Variants in DENND5A observed in about 807,000 individuals in gnomAD.
The protein encoded by DENND5A is DENN domain-containing protein 5A.
A neutral mutation model predicts 140.3 loss-of-function variants in DENND5A; 64 were observed. The observed-to-expected ratio is 0.46, with a 90% CI of 0.37 to 0.56. The LOEUF (loss-of-function observed/expected upper bound fraction) is 0.56, where lower values mean the gene tolerates loss of function less well. Ranked by LOEUF, DENND5A falls within the 20% of genes least tolerant of loss-of-function variation. DENND5A has a pLI of 0.00. For synonymous variants in DENND5A, 605 were observed against 607.7 expected (o/e 1.00, Z 0.07); for missense variants, 1,292 against 1,593.8 (o/e 0.81, Z 3.22).
At chr11:9,184,745 A>T (rs1032775104) in intron 5 of DENND5A, among the ~76,000 whole-genome samples, 1 of 152,230 alleles carries the variant, frequency 6.6e-6, no homozygotes, top group Non-Finnish European at 1.5e-5. Context: ...ATGCCTGTTC[A>T]TATCTTATGC....
chr11:9,179,869 T>G (rs958251222), intron 6 of DENND5A, among the ~76,000 whole-genome samples: 7 of 152,098 alleles, frequency 4.6e-5, no homozygotes, highest in Admixed American at 4.6e-4. Flanking sequence ...GAAAAATATC[T>G]AGTCTACTAA....
chr11:9,143,219 T>C (rs1055194405), intron 20 of DENND5A, 184 bp downstream of exon 20: 16 of 667,156 alleles, frequency 2.4e-5, no homozygotes, highest in African/African-American at 5.4e-5. Context: ...CAGGGTAACC[T>C]GAGGCAAAGG....
chr11:9,139,920 G>C, intron 22 of DENND5A, 66 bp from the exon 23 acceptor site: 1 of 1,490,216 alleles, frequency 6.7e-7, no homozygotes, highest in Non-Finnish European at 9.2e-7. Context: ...GAGCGTTAGT[G>C]CAAGGCCAAG....
intron 1 of DENND5A, among the ~76,000 whole-genome samples, chr11:9,215,042 A>G (rs1850034888): frequency 6.6e-6 from 1 of 152,104 alleles, no homozygotes; most frequent in African/African-American, 2.4e-5. Flanking sequence ...GCCACTTCTA[A>G]GTCCTCTTCC....
chr11:9,239,914 C>A (rs1851162432), intron 1 of DENND5A, among the ~76,000 whole-genome samples: 1 of 152,072 alleles, frequency 6.6e-6, no homozygotes, highest in Non-Finnish European at 1.5e-5. Context: ...ATGTATAGTC[C>A]CTCGGGTATT....
chr11:9,183,929 T>C (rs756874141), intron 5 of DENND5A, among the ~76,000 whole-genome samples: 45 of 152,026 alleles, frequency 3.0e-4, no homozygotes, highest in Non-Finnish European at 1.3e-4. Flanking sequence ...CTCACCCCTG[T>C]AATCCCAGCT....
At chr11:9,140,782 T>C (rs1847210899) in intron 22 of DENND5A, among the ~76,000 whole-genome samples, 1 of 152,222 alleles carries the variant, frequency 6.6e-6, no homozygotes. Flanking sequence ...ACTTCATTTT[T>C]GGACCCTCAA....
rs371135128 is a variant in DENND5A, at chr11:9,150,238, A to G, written c.2607-29T>C. 6.2e-6 allele frequency: 10 copies of G among 1,609,802 alleles called. No homozygotes were observed. The East Asian group carries it at 8.9e-5, about 14-fold the overall frequency. The stretch of plus-strand genomic sequence containing the variant: ...GAGGAAGAATGTAAAAAGGAAGTGG[A>G]GGGTGGGATGGGAGATGAACTCACT... On this transcript the variant is annotated intron_variant, in intron 14 of 22. Coordinates refer to ENST00000328194, the MANE Select transcript of DENND5A (RefSeq NM_015213.4).
intron 5 of DENND5A, among the ~76,000 whole-genome samples, chr11:9,181,575 A>C (rs1205935508): frequency 1.3e-5 from 2 of 151,954 alleles, no homozygotes; most frequent in African/African-American, 2.4e-5. Flanking sequence ...AGTCTCTACA[A>C]AAAAATGCAA....
rs1490265405 is a variant in DENND5A at position 9,139,862 on chromosome 11, A to G, written c.3681-8T>C. ...TGGTGTAGGAGGTGATCTCTGGCAGAGCGGGAGCAGTCCAGGCAGGTCAGA... is the reference window on the plus strand; with the variant it reads ...TGGTGTAGGAGGTGATCTCTGGCAGGGCGGGAGCAGTCCAGGCAGGTCAGA... On this transcript the variant is annotated splice_region_variant and splice_polypyrimidine_tract_variant and intron_variant, in intron 22 of 22. Transcript: ENST00000328194. The G allele has an allele frequency of 2.5e-6, 4 of 1,613,374 alleles. No individual in the cohort carries two copies. The highest frequency in any genetic ancestry group is 1.7e-6 in the Non-Finnish European group (2 of 1,179,606).
chr11:9,257,968 T>A (rs1852023953), intron 1 of DENND5A, among the ~76,000 whole-genome samples: 1 of 151,690 alleles, frequency 6.6e-6, no homozygotes, highest in African/African-American at 2.4e-5. Flanking sequence ...AATTTTTGTA[T>A]CTTTAGTAGA....
rs538080970 is a variant in DENND5A at position 9,159,328 on chromosome 11, T to TG, written c.2436+1384_2436+1385insC. On this transcript the variant is annotated intron_variant, in intron 12 of 22. Coordinates refer to ENST00000328194, the MANE Select transcript of DENND5A (RefSeq NM_015213.4). ...TGCTATGAACTTTTTTTTCTTTTTTTTTTTTTTTTGAGACAGAGTTTCACT... is the reference window on the plus strand; with the variant it reads ...TGCTATGAACTTTTTTTTCTTTTTTTGTTTTTTTTTGAGACAGAGTTTCACT... 7.3e-5 allele frequency among the ~76,000 whole-genome samples: 11 copies of TG among 151,620 alleles called. No individual in the cohort carries two copies. The East Asian group carries it at 2.1e-3, about 29-fold the overall frequency.
At chr11:9,214,546 T>C (rs1402921260) in intron 1 of DENND5A, among the ~76,000 whole-genome samples, 1 of 152,208 alleles carries the variant, frequency 6.6e-6, no homozygotes, top group Non-Finnish European at 1.5e-5. Flanking sequence ...AAATTGATTT[T>C]ACAACTCCTA....
At chr11:9,230,748 T>A (rs1339620191) in intron 1 of DENND5A, among the ~76,000 whole-genome samples, 1 of 152,036 alleles carries the variant, frequency 6.6e-6, no homozygotes, top group Admixed American at 6.6e-5. Context: ...ATCCCAGAAT[T>A]TTGGGAGGCC....
intron 4 of DENND5A, among the ~76,000 whole-genome samples, chr11:9,203,340 A>G (rs1435741290): frequency 6.6e-6 from 1 of 152,238 alleles, no homozygotes; most frequent in Admixed American, 6.5e-5. Flanking sequence ...GCAGAATGAC[A>G]GAACAGAACT....
At chr11:9,142,178 T>C in intron 21 of DENND5A, 70 bp from the exon 22 acceptor site, 1 of 1,328,964 alleles carries the variant, frequency 7.5e-7, no homozygotes, top group Non-Finnish European at 1.0e-6. Context: ...TACAGGCCAC[T>C]TGCCATGGGC....
At chr11:9,189,791 C>T (rs1465531216) in intron 5 of DENND5A, among the ~76,000 whole-genome samples, 1 of 152,188 alleles carries the variant, frequency 6.6e-6, no homozygotes, top group African/African-American at 2.4e-5. Context: ...CAGGCTTGTG[C>T]CACCATGCCC....
chr11:9,202,709 G>A (rs1015126998), intron 4 of DENND5A, among the ~76,000 whole-genome samples: 1 of 151,774 alleles, frequency 6.6e-6, no homozygotes, highest in Non-Finnish European at 1.5e-5. Flanking sequence ...CTATACTCCC[G>A]CTCATTCACT....
intron 10 of DENND5A, among the ~76,000 whole-genome samples, chr11:9,166,257 T>C (rs925004713): frequency 3.3e-5 from 5 of 151,900 alleles, no homozygotes; most frequent in African/African-American, 9.7e-5. Flanking sequence ...TTTTTGTATT[T>C]TAGTAGAGAC....
Sources: allele counts gnomAD v4.1 joint callset (sites outside exome capture counted in the v4.1 genomes callset), GRCh38; gene constraint gnomAD v4.1.1; transcripts MANE v1.5; gene names NCBI Gene and HGNC (gene_info 2026-07-23, HGNC 2026-07-21).